The following CNTN5 variants were observed in gnomAD, a reference collection of about 807,000 sequenced individuals.
CNTN5 encodes the protein contactin 5.
CNTN5 carries 77 observed loss-of-function variants against 129.1 expected under a neutral mutation model. The observed-to-expected ratio is 0.60, with a 90% CI of 0.50 to 0.72. CNTN5 has a LOEUF of 0.72. Ranked by LOEUF, CNTN5 falls within the 30% of genes least tolerant of loss-of-function variation. The pLI is 0.00. For synonymous variants in CNTN5, 509 were observed against 465.6 expected, an observed-to-expected ratio of 1.09 and a Z score of -1.20; for missense variants, 1,478 against 1,328.8, an observed-to-expected ratio of 1.11 and a Z score of -1.75.
chr11:99,817,397 A>C (rs1405509936), intron 3 of CNTN5, among the ~76,000 whole-genome samples: 1 of 152,190 alleles, frequency 6.6e-6, no homozygotes, highest in African/African-American at 2.4e-5. Flanking sequence ...ATGGAGTGGC[A>C]CAAGCCCATT....
intron 3 of CNTN5, among the ~76,000 whole-genome samples, chr11:99,691,187 C>CAA (rs139080017): frequency 2.8e-4 from 41 of 145,438 alleles, no homozygotes; most frequent in East Asian, 1.2e-3. Context: ...TTAATTTTTT[C>CAA]AAAAAAAAAA....
rs141986946 is a variant in CNTN5 at position 99,372,739 on chromosome 11, G to T, written c.-71+47255G>T. ...AATGTCTAATTCATATTGTACACAC[G>T]CTATGCCTAGATTTACCTACAAAAT... On this transcript the variant is annotated intron_variant, in intron 2 of 24. Coordinates refer to ENST00000524871, the MANE Select transcript of CNTN5 (RefSeq NM_014361.4). 5.6e-3 allele frequency among the ~76,000 whole-genome samples: 858 copies of T among 152,226 alleles called. 12 individuals carry two copies. Among genetic ancestry groups the T allele is most frequent in the African/African-American group, 0.019 (775 of 41,540 alleles).
chr11:99,765,824 T>C (rs190839650), intron 3 of CNTN5, among the ~76,000 whole-genome samples: 1 of 151,988 alleles, frequency 6.6e-6, no homozygotes. Flanking sequence ...CTCTACTTGT[T>C]TATAGTCAAT....
intron 17 of CNTN5, among the ~76,000 whole-genome samples, chr11:100,270,655 TAG>T (rs1361333648): frequency 6.6e-6 from 1 of 152,216 alleles, no homozygotes; most frequent in East Asian, 1.9e-4. Flanking sequence ...GTTTTTAAAT[TAG>T]AGAGATATAT....
chr11:100,150,082 T>C (rs1292414483), intron 13 of CNTN5, among the ~76,000 whole-genome samples: 1 of 152,124 alleles, frequency 6.6e-6, no homozygotes, highest in Non-Finnish European at 1.5e-5. Context: ...GTCTCAAACA[T>C]TTATGCATTT....
chr11:99,781,271 C>G (rs1421982388), intron 3 of CNTN5, among the ~76,000 whole-genome samples: 1 of 152,060 alleles, frequency 6.6e-6, no homozygotes, highest in Non-Finnish European at 1.5e-5. Context: ...TATTGCTCAA[C>G]TCAACAGGTA....
At chr11:99,311,159 C>G (rs1424439507) in intron 1 of CNTN5, among the ~76,000 whole-genome samples, 1 of 151,970 alleles carries the variant, frequency 6.6e-6, no homozygotes, top group Non-Finnish European at 1.5e-5. Context: ...GATCTCCTGA[C>G]CTTGTGATCC....
intron 2 of CNTN5, among the ~76,000 whole-genome samples, chr11:99,458,418 G>T (rs1311446801): frequency 6.6e-6 from 1 of 150,386 alleles, no homozygotes; most frequent in Admixed American, 6.6e-5. Flanking sequence ...TGAGAATTGC[G>T]CTATAAAAAG....
intron 1 of CNTN5, among the ~76,000 whole-genome samples, chr11:99,098,193 T>G (rs1374139975): frequency 6.6e-6 from 1 of 152,088 alleles, no homozygotes; most frequent in African/African-American, 2.4e-5. Flanking sequence ...AGAGTTGGAC[T>G]TTTTGGTCAT....
intron 16 of CNTN5, among the ~76,000 whole-genome samples, chr11:100,230,193 A>G (rs1949460045): frequency 6.6e-6 from 1 of 152,192 alleles, no homozygotes; most frequent in African/African-American, 2.4e-5. Context: ...ACAGCTATAA[A>G]ATGTCCTTCC....
chr11:99,661,486 A>T (rs78994351), intron 3 of CNTN5, among the ~76,000 whole-genome samples: 57 of 152,228 alleles, frequency 3.7e-4, no homozygotes, highest in African/African-American at 1.3e-3. Context: ...TTATTTTAAT[A>T]ATCTTAGATC....
intron 1 of CNTN5, among the ~76,000 whole-genome samples, chr11:99,208,974 G>C (rs17133241): frequency 0.017 from 2,547 of 152,152 alleles, 38 homozygotes; most frequent in African/African-American, 0.035. Flanking sequence ...GTGTAGAATA[G>C]AGGCCTATTT....
chr11:100,167,885 G>A (rs372471185), intron 13 of CNTN5, among the ~76,000 whole-genome samples: 6 of 152,026 alleles, frequency 3.9e-5, no homozygotes, highest in South Asian at 2.1e-4. Context: ...TGAATGCAAC[G>A]GAAAAGTCCT....
intron 1 of CNTN5, among the ~76,000 whole-genome samples, chr11:99,197,805 A>G (rs576390893): frequency 1.2e-4 from 19 of 152,240 alleles, no homozygotes; most frequent in Admixed American, 4.6e-4. Flanking sequence ...TATTAGGTAC[A>G]AGGATTAACT....
chr11:99,186,021 A>C (rs547153829), intron 1 of CNTN5, among the ~76,000 whole-genome samples: 39 of 152,012 alleles, frequency 2.6e-4, no homozygotes, highest in Admixed American at 6.6e-4. Context: ...GTTTATGAAT[A>C]TATCAAAAAT....
chr11:99,114,154 TACCTCTATGAA>T (rs1457056260), intron 1 of CNTN5, among the ~76,000 whole-genome samples: 2 of 152,226 alleles, frequency 1.3e-5, no homozygotes, highest in Non-Finnish European at 2.9e-5. Flanking sequence ...ATCTTCATGA[TACCTCTATGAA>T]TTTTGATCAA....
At chr11:99,808,330 A>C (rs185689143) in intron 3 of CNTN5, among the ~76,000 whole-genome samples, 7 of 141,552 alleles carry the variant, frequency 4.9e-5, no homozygotes, top group African/African-American at 1.8e-4. Context: ...AACTGGACTT[A>C]AATGTGCTGT....
chr11:99,299,388 G>C (rs576531904), intron 1 of CNTN5, among the ~76,000 whole-genome samples: 21 of 152,174 alleles, frequency 1.4e-4, no homozygotes, highest in African/African-American at 5.1e-4. Flanking sequence ...TATAAAGTTG[G>C]CAAGTATATT....
intron 2 of CNTN5, among the ~76,000 whole-genome samples, chr11:99,514,506 T>C (rs1162348411): frequency 6.6e-6 from 1 of 151,966 alleles, no homozygotes; most frequent in South Asian, 2.1e-4. Context: ...TCTTTGCTTA[T>C]TGTAAGTTAA....
Sources: gnomAD v4.1 joint callset for allele counts (sites outside exome capture counted in the v4.1 genomes callset) on GRCh38, gnomAD v4.1.1 for gene constraint, MANE v1.5 for transcripts, NCBI Gene and HGNC (gene_info 2026-07-23, HGNC 2026-07-21) for gene names.